Variants in LRRIQ3 observed in about 807,000 individuals in gnomAD.
LRRIQ3 encodes the protein leucine-rich repeat and IQ domain-containing protein 3.
LRRIQ3 carries 75 observed loss-of-function variants against 59.3 expected under a neutral mutation model. The ratio of observed to expected loss-of-function variants is 1.26; its 90% CI spans 1.05 to 1.53. LRRIQ3 has a LOEUF of 1.53. Among genes scored for constraint, LRRIQ3 ranks in the 40% most tolerant of loss-of-function variants. The pLI is 0.00. For missense variants in LRRIQ3, 831 were observed against 710.0 expected (o/e 1.17, Z -1.94); for synonymous variants, 250 against 231.3 (o/e 1.08, Z -0.73).
chr1:74,116,456 T>C, intron 4 of LRRIQ3, among the ~76,000 whole-genome samples: 1 of 151,952 alleles, frequency 6.6e-6, no homozygotes, highest in East Asian at 1.9e-4. Context: ...TGTCAAAGGG[T>C]GAGATAATAA....
At chr1:74,035,657 T>C (rs558698314) in intron 7 of LRRIQ3, among the ~76,000 whole-genome samples, 1 of 152,150 alleles carries the variant, frequency 6.6e-6, no homozygotes, top group African/African-American at 2.4e-5. Context: ...AATACATGTG[T>C]AAAATGCAAT....
intron 1 of LRRIQ3, among the ~76,000 whole-genome samples, chr1:74,197,506 G>T (rs566357097): frequency 5.8e-4 from 88 of 152,168 alleles, no homozygotes; most frequent in African/African-American, 2.0e-3. Context: ...CACCTAAAAA[G>T]GCTGACTTAT....
chr1:74,062,056 T>C (rs1158350151), intron 6 of LRRIQ3, among the ~76,000 whole-genome samples: 1 of 151,918 alleles, frequency 6.6e-6, no homozygotes, highest in Non-Finnish European at 1.5e-5. Flanking sequence ...AATTGACCAA[T>C]GGGACCTAAT....
intron 5 of LRRIQ3, among the ~76,000 whole-genome samples, chr1:74,104,229 G>C (rs544807262): frequency 6.6e-6 from 1 of 151,932 alleles, no homozygotes; most frequent in African/African-American, 2.4e-5. Context: ...AAGCTGATGA[G>C]GTCTTGTGTA....
intron 7 of LRRIQ3, among the ~76,000 whole-genome samples, chr1:74,034,864 A>T (rs895311847): frequency 8.6e-5 from 13 of 152,032 alleles, no homozygotes; most frequent in Non-Finnish European, 1.8e-4. Flanking sequence ...TTAAAAATTT[A>T]AATAAAATAA....
intron 4 of LRRIQ3, among the ~76,000 whole-genome samples, chr1:74,154,504 T>G (rs1557643333): frequency 6.6e-6 from 1 of 152,040 alleles, no homozygotes; most frequent in Non-Finnish European, 1.5e-5. Flanking sequence ...TACTGAAATC[T>G]CTTCCTGCAA....
At chr1:74,062,916 AC>A (rs1204388899) in intron 6 of LRRIQ3, among the ~76,000 whole-genome samples, 2 of 152,080 alleles carry the variant, frequency 1.3e-5, no homozygotes, top group African/African-American at 4.8e-5. Context: ...AATAATCTGT[AC>A]ACCAAACCCA....
At chr1:74,136,171 A>G (rs1647120746) in intron 4 of LRRIQ3, among the ~76,000 whole-genome samples, 1 of 152,082 alleles carries the variant, frequency 6.6e-6, no homozygotes, top group Admixed American at 6.6e-5. Context: ...TAATTACCAA[A>G]ACTAACTTAA....
chr1:74,050,709 T>TC, intron 6 of LRRIQ3: 2 of 221,320 alleles, frequency 9.0e-6, no homozygotes, highest in Non-Finnish European at 1.5e-5. Context: ...CCTTATGTGA[T>TC]ACATAAGCTT....
intron 3 of LRRIQ3, among the ~76,000 whole-genome samples, chr1:74,178,211 T>C (rs1649761698): frequency 6.6e-6 from 1 of 151,956 alleles, no homozygotes; most frequent in African/African-American, 2.4e-5. Context: ...ATAAACAACT[T>C]TATTTCAGTT....
At chr1:74,131,469 T>A (rs931850112) in intron 4 of LRRIQ3, among the ~76,000 whole-genome samples, 1 of 151,958 alleles carries the variant, frequency 6.6e-6, no homozygotes, top group Non-Finnish European at 1.5e-5. Flanking sequence ...CAATGCAAAA[T>A]TCCTCGATAA....
At chr1:74,129,030 C>A (rs188021912) in intron 4 of LRRIQ3, among the ~76,000 whole-genome samples, 2 of 152,016 alleles carry the variant, frequency 1.3e-5, no homozygotes, top group Non-Finnish European at 2.9e-5. Context: ...GTGGCCACCA[C>A]CACTGGAACT....
intron 1 of LRRIQ3, among the ~76,000 whole-genome samples, chr1:74,192,713 A>G (rs557588264): frequency 2.2e-4 from 34 of 152,252 alleles, no homozygotes; most frequent in African/African-American, 7.9e-4. Flanking sequence ...ACATAATAAT[A>G]CTGGTTATTG....
At chr1:74,099,046 AC>A (rs1646491173) in intron 5 of LRRIQ3, among the ~76,000 whole-genome samples, 1 of 152,174 alleles carries the variant, frequency 6.6e-6, no homozygotes, top group Admixed American at 6.6e-5. Context: ...GCAAGAAATA[AC>A]TAAGATCAGA....
chr1:74,093,097 A>G (rs1044862301), intron 5 of LRRIQ3, among the ~76,000 whole-genome samples: 1 of 151,946 alleles, frequency 6.6e-6, no homozygotes, highest in Non-Finnish European at 1.5e-5. Flanking sequence ...AATCAGAAGC[A>G]TACTAAGTTT....
intron 6 of LRRIQ3, among the ~76,000 whole-genome samples, chr1:74,061,745 A>C (rs530550165): frequency 6.6e-6 from 1 of 152,302 alleles, no homozygotes; most frequent in Admixed American, 6.5e-5. Flanking sequence ...ACAAAACTTG[A>C]CAAATCAGGT....
rs71078187 is a variant in LRRIQ3, at chr1:74,173,294, C to CAA, written c.573+9242_573+9243dup. On this transcript the variant is annotated intron_variant, in intron 3 of 7. Coordinates refer to ENST00000354431, the MANE Select transcript of LRRIQ3 (RefSeq NM_001105659.2). ...ACTGGGCAAGAGTGAGAGTCCATCT[C>CAA]AAAAAAAAAAAAAAAAAATCCATTC... Among the ~76,000 whole-genome samples, 663 of 117,404 alleles carry CAA rather than the reference C, an allele frequency of 5.6e-3. 6 individuals are homozygous for CAA. The highest frequency in any genetic ancestry group is 0.016 in the African/African-American group (428 of 26,736). 77.0% of individuals were successfully genotyped at this position (117,404 alleles called of 152,430 possible). A position where few individuals can be genotyped will look rare whatever the true frequency, so the allele number is the denominator to read the frequency against.
At chr1:74,036,722 T>A (rs1337308571) in intron 7 of LRRIQ3, among the ~76,000 whole-genome samples, 2 of 152,182 alleles carry the variant, frequency 1.3e-5, no homozygotes, top group African/African-American at 2.4e-5. Context: ...CATGACTACA[T>A]CACCTGTAAG....
intron 5 of LRRIQ3, among the ~76,000 whole-genome samples, chr1:74,100,437 G>T (rs1424759417): frequency 6.6e-6 from 1 of 152,122 alleles, no homozygotes; most frequent in Non-Finnish European, 1.5e-5. Context: ...AACGTTCCAT[G>T]CTCATGGATA....
Sources: gnomAD v4.1 joint callset for allele counts (sites outside exome capture counted in the v4.1 genomes callset) on GRCh38, gnomAD v4.1.1 for gene constraint, MANE v1.5 for transcripts, NCBI Gene and HGNC (gene_info 2026-07-23, HGNC 2026-07-21) for gene names.